The following CARF variants were observed in gnomAD, a reference collection of about 807,000 sequenced individuals.
The protein encoded by CARF is calcium responsive transcription factor.
Under a neutral mutation model 82.0 loss-of-function variants are expected in CARF, and 57 were observed. That is an observed-to-expected ratio of 0.70 (90% CI 0.56 to 0.87). CARF has a LOEUF of 0.87. CARF is among the 40% of genes least tolerant of loss of function. CARF has a pLI of 0.00. For missense variants in CARF, 771 were observed against 855.8 expected, an observed-to-expected ratio of 0.90 and a Z score of 1.24; for synonymous variants, 268 against 290.1, an observed-to-expected ratio of 0.92 and a Z score of 0.77.
chr2:202,915,627 G>A (rs541549475), intron 1 of CARF, among the ~76,000 whole-genome samples: 6 of 151,936 alleles, frequency 3.9e-5, no homozygotes, highest in South Asian at 4.2e-4. Flanking sequence ...ACGCCACCAC[G>A]CCCAGCTAAT....
intron 2 of CARF, among the ~76,000 whole-genome samples, chr2:202,919,916 G>A (rs1690470374): frequency 6.8e-6 from 1 of 147,536 alleles, no homozygotes; most frequent in Admixed American, 7.7e-5. Context: ...TGTCAAAAGG[G>A]TTAAATGATA....
intron 3 of CARF, among the ~76,000 whole-genome samples, chr2:202,926,813 A>C (rs572408579): frequency 8.5e-5 from 13 of 152,088 alleles, no homozygotes; most frequent in Non-Finnish European, 1.5e-4. Context: ...ATCTCTTGTC[A>C]AGTTTATTCC....
intron 4 of CARF, 116 bp from the exon 5 acceptor site, chr2:202,942,624 C>T (rs1294890483): frequency 9.9e-7 from 1 of 1,008,424 alleles, no homozygotes; most frequent in Admixed American, 3.3e-5. Context: ...TGTGAATTGA[C>T]AACTCTTACA....
At position 202,986,364 on chromosome 2, in the gene CARF, TTCTC is replaced by T. The variant is rs1397330115; in HGVS notation, c.*2742_*2745del. The T allele has an allele frequency of 7.2e-5, 11 of 152,166 alleles. No individual in the cohort carries two copies. Among genetic ancestry groups the T allele is most frequent in the Admixed American group, 7.2e-4 (11 of 15,276 alleles). 9.4% of individuals were successfully genotyped at this position (152,166 alleles called of 1,614,324 possible). On this transcript the variant is annotated 3_prime_UTR_variant, in exon 17 of 17. Transcript: ENST00000438828. Reference sequence around the variant, plus strand: ...AAAATTTTCAGTATCTATATTGGCTTTCTCTAACAGCTCTACAGCAAAGTTTGAC... The same window carrying T: ...AAAATTTTCAGTATCTATATTGGCTTTAACAGCTCTACAGCAAAGTTTGAC...
chr2:202,976,231 G>A (rs1017077319), intron 13 of CARF, among the ~76,000 whole-genome samples: 4 of 150,868 alleles, frequency 2.7e-5, no homozygotes, highest in East Asian at 2.0e-4. Flanking sequence ...CTGGATTGCC[G>A]TGGCATGATC....
intron 5 of CARF, among the ~76,000 whole-genome samples, chr2:202,948,688 A>G (rs2058616955): frequency 6.6e-6 from 1 of 152,156 alleles, no homozygotes; most frequent in South Asian, 2.1e-4. Context: ...ATTTTTAAAC[A>G]TTGATTTTGT....
At chr2:202,953,051 C>T (rs754465820) in intron 6 of CARF, among the ~76,000 whole-genome samples, 1 of 152,122 alleles carries the variant, frequency 6.6e-6, no homozygotes, top group Admixed American at 6.6e-5. Context: ...GAGTCTCGCT[C>T]TATCCCCCAG....
intron 14 of CARF, among the ~76,000 whole-genome samples, chr2:202,977,594 C>T (rs548437179): frequency 1.7e-4 from 26 of 152,288 alleles, no homozygotes; most frequent in Admixed American, 7.8e-4. Context: ...CTAAGTCTGG[C>T]TAATTCCAGT....
At chr2:202,941,733 G>T in intron 3 of CARF, 127 bp from the exon 4 acceptor site, 1 of 479,442 alleles carries the variant, frequency 2.1e-6, no homozygotes, top group Non-Finnish European at 3.8e-6. Context: ...TTAATCTATA[G>T]AATGGAATTG....
chr2:202,927,189 G>A (rs72936875), intron 3 of CARF, among the ~76,000 whole-genome samples: 13,557 of 152,034 alleles, frequency 0.089, 744 homozygotes, highest in Non-Finnish European at 0.12. Flanking sequence ...AGTTTGTGGC[G>A]TTGTTGACAT....
intron 8 of CARF, 134 bp from the exon 9 acceptor site, chr2:202,961,103 C>A: frequency 1.4e-6 from 1 of 698,256 alleles, no homozygotes; most frequent in Non-Finnish European, 2.4e-6. Flanking sequence ...TGTAATAGAC[C>A]ATTGATCTGA....
At chr2:202,929,939 G>A (rs1692577130) in intron 3 of CARF, among the ~76,000 whole-genome samples, 1 of 152,004 alleles carries the variant, frequency 6.6e-6, no homozygotes, top group African/African-American at 2.4e-5. Context: ...GATCGCCTTT[G>A]GTAGTATGGT....
intron 2 of CARF, among the ~76,000 whole-genome samples, chr2:202,918,587 G>A (rs1218359901): frequency 1.3e-5 from 2 of 152,192 alleles, no homozygotes; most frequent in East Asian, 3.9e-4. Flanking sequence ...GAGTTAATTG[G>A]CAGTTAGGGA....
At chr2:202,964,714 T>C (rs1329768974) in intron 9 of CARF, among the ~76,000 whole-genome samples, 1 of 151,928 alleles carries the variant, frequency 6.6e-6, no homozygotes, top group South Asian at 2.1e-4. Flanking sequence ...CAACTATCAG[T>C]ATATGGTCAA....
At chr2:202,949,311 C>T (rs983823521) in intron 5 of CARF, among the ~76,000 whole-genome samples, 2 of 149,928 alleles carry the variant, frequency 1.3e-5, no homozygotes, top group Non-Finnish European at 3.0e-5. Flanking sequence ...TCCATGCACT[C>T]CAGCCTGGGC....
chr2:202,921,573 A>AT (rs1175284982), intron 2 of CARF, among the ~76,000 whole-genome samples: 1 of 152,200 alleles, frequency 6.6e-6, no homozygotes, highest in African/African-American at 2.4e-5. Flanking sequence ...AATTTTATAC[A>AT]TAGAGACTTT....
At chr2:202,943,074 T>C in intron 5 of CARF, 107 bp downstream of exon 5, 1 of 864,756 alleles carries the variant, frequency 1.2e-6, no homozygotes, top group Non-Finnish European at 1.8e-6. Flanking sequence ...TGTGTTTATT[T>C]ATTTATTTAT....
In CARF at chr2:202,941,997, G is replaced by A. The variant is rs548204203; in HGVS notation, c.78+17G>A. Reference sequence around the variant, plus strand: ...GTATTTGAGGTATGGATTCAGCTGGGAACCTTTTTCCATCCTAGGGTAAAA... The same window carrying A: ...GTATTTGAGGTATGGATTCAGCTGGAAACCTTTTTCCATCCTAGGGTAAAA... On this transcript the variant is annotated intron_variant, in intron 4 of 16. Coordinates refer to ENST00000438828, the MANE Select transcript of CARF (RefSeq NM_024744.17). 7 of 1,606,766 alleles carry A rather than the reference G, an allele frequency of 4.4e-6. No homozygotes were observed. In the South Asian group the frequency reaches 7.7e-5, roughly 18 times the overall value.
At position 202,946,425 on chromosome 2, in the gene CARF, C is replaced by T. The variant is rs565883036; in HGVS notation, c.306+3458C>T. Among the ~76,000 whole-genome samples the T allele has an allele frequency of 2.0e-5, 3 of 152,274 alleles. No individual in the cohort carries two copies. In the South Asian group the frequency reaches 6.2e-4, roughly 32 times the overall value. On this transcript the variant is annotated intron_variant, in intron 5 of 16. Transcript: ENST00000438828. ...AGGATTCTCTATTTAATAAATGGTG[C>T]TGGGAAAACTGGCTAGCCGTATGCA...
Sources: gnomAD v4.1 joint callset for allele counts (sites outside exome capture counted in the v4.1 genomes callset) on GRCh38, gnomAD v4.1.1 for gene constraint, MANE v1.5 for transcripts, NCBI Gene and HGNC (gene_info 2026-07-23, HGNC 2026-07-21) for gene names.